The following ZDHHC13 variants were observed in gnomAD, a reference collection of about 807,000 sequenced individuals.
ZDHHC13 encodes zDHHC palmitoyltransferase 13, also known as palmitoyltransferase ZDHHC13.
Under a neutral mutation model 86.0 loss-of-function variants are expected in ZDHHC13, and 85 were observed. The observed-to-expected ratio is 0.99, with a 90% CI of 0.83 to 1.18. ZDHHC13 has a LOEUF of 1.18. Among genes scored for constraint, ZDHHC13 ranks in the 50% most tolerant of loss-of-function variants. ZDHHC13 has a pLI of 0.00. For synonymous variants in ZDHHC13, 263 were observed against 246.4 expected (o/e 1.07, Z -0.63); for missense variants, 711 against 730.2 (o/e 0.97, Z 0.30).
intron 8 of ZDHHC13, among the ~76,000 whole-genome samples, chr11:19,155,558 G>GCAA (rs1849732494): frequency 7.3e-6 from 1 of 136,450 alleles, no homozygotes; most frequent in Non-Finnish European, 1.5e-5. Context: ...TCCAGCCTGG[G>GCAA]CAACAAGAAT....
intron 1 of ZDHHC13, among the ~76,000 whole-genome samples, chr11:19,123,492 A>G (rs940619348): frequency 6.6e-6 from 1 of 152,004 alleles, no homozygotes; most frequent in African/African-American, 2.4e-5. Flanking sequence ...ACAGAAGAAT[A>G]AAAAAATCAG....
chr11:19,173,427 C>T (rs1850278631), intron 16 of ZDHHC13, among the ~76,000 whole-genome samples: 1 of 152,172 alleles, frequency 6.6e-6, no homozygotes, highest in African/African-American at 2.4e-5. Context: ...AGCTTATCTC[C>T]CTGCCACTTA....
intron 1 of ZDHHC13, among the ~76,000 whole-genome samples, chr11:19,120,059 A>G (rs916933376): frequency 3.3e-5 from 5 of 152,256 alleles, no homozygotes; most frequent in Non-Finnish European, 5.9e-5. Flanking sequence ...CAATTCTTAT[A>G]TACAATTTAG....
Position 19,150,847 on chromosome 11 carries a change from G to A in ZDHHC13, c.584+56G>A, listed in dbSNP as rs1849589904. 65 of 1,509,452 alleles carry A rather than the reference G, an allele frequency of 4.3e-5. No homozygotes were observed. The South Asian group carries it at 7.2e-4, about 17-fold the overall frequency. The allele number at this position is 1,509,452 out of a possible 1,614,324, so 93.5% of individuals were successfully genotyped here. On this transcript the variant is annotated intron_variant, in intron 6 of 16. Coordinates refer to ENST00000446113, the MANE Select transcript of ZDHHC13 (RefSeq NM_019028.3). ...TCTTGGTTCCAACTATTTCTTTTCT[G>A]TGTATGTAATTTTAAGTATCTGTGT...
At chr11:19,119,277 A>AT (rs1848710711) in intron 1 of ZDHHC13, among the ~76,000 whole-genome samples, 1 of 151,894 alleles carries the variant, frequency 6.6e-6, no homozygotes, top group African/African-American at 2.4e-5. Context: ...CACCCTGCTA[A>AT]TTTTTTGTAT....
At chr11:19,134,276 G>A (rs963313944) in intron 1 of ZDHHC13, among the ~76,000 whole-genome samples, 3 of 152,040 alleles carry the variant, frequency 2.0e-5, no homozygotes, top group Non-Finnish European at 4.4e-5. Flanking sequence ...CAAGAGGATC[G>A]CTTGAGGCCA....
intron 9 of ZDHHC13, among the ~76,000 whole-genome samples, 172 bp from the exon 10 acceptor site, chr11:19,158,768 G>A (rs1849827428): frequency 6.6e-6 from 1 of 152,096 alleles, no homozygotes; most frequent in Non-Finnish European, 1.5e-5. Context: ...GGGGGATGAT[G>A]TTGCATAACT....
intron 16 of ZDHHC13, among the ~76,000 whole-genome samples, chr11:19,173,928 A>G (rs1850290618): frequency 6.6e-6 from 1 of 152,186 alleles, no homozygotes; most frequent in Non-Finnish European, 1.5e-5. Context: ...CGTTTGCTGA[A>G]TGATGGCAGC....
At chr11:19,143,181 ATG>A in intron 2 of ZDHHC13, 58 bp downstream of exon 2, 5 of 1,533,286 alleles carry the variant, frequency 3.3e-6, no homozygotes, top group Non-Finnish European at 4.4e-6. Context: ...ATAGTAATAT[ATG>A]TGTAGTTCAT....
At chr11:19,155,733 A>C (rs1056794248) in intron 8 of ZDHHC13, 63 bp from the exon 9 acceptor site, 2 of 1,541,962 alleles carry the variant, frequency 1.3e-6, no homozygotes, top group Non-Finnish European at 1.7e-6. Flanking sequence ...CTTATATTGC[A>C]CTATTATTAG....
chr11:19,140,351 C>G (rs1333836895), intron 1 of ZDHHC13, among the ~76,000 whole-genome samples: 4 of 152,148 alleles, frequency 2.6e-5, no homozygotes, highest in Non-Finnish European at 5.9e-5. Flanking sequence ...AAATGCAAAT[C>G]AAAACCACAA....
intron 1 of ZDHHC13, among the ~76,000 whole-genome samples, chr11:19,141,815 G>T (rs1198394616): frequency 1.3e-5 from 2 of 151,758 alleles, no homozygotes; most frequent in Non-Finnish European, 2.9e-5. Flanking sequence ...TTTTTAGCTT[G>T]CCATGTGCTG....
intron 1 of ZDHHC13, among the ~76,000 whole-genome samples, chr11:19,119,095 G>A (rs1848706260): frequency 6.6e-6 from 1 of 152,158 alleles, no homozygotes; most frequent in South Asian, 2.1e-4. Flanking sequence ...CAGGTCTGCA[G>A]TTTCCTTTCT....
intron 1 of ZDHHC13, among the ~76,000 whole-genome samples, chr11:19,130,662 T>G (rs2133372065): frequency 6.6e-6 from 1 of 152,272 alleles, no homozygotes. Flanking sequence ...AGGCCCCCTT[T>G]TTTTGGTAAT....
chr11:19,166,765 T>A, intron 14 of ZDHHC13: 1 of 158,170 alleles, frequency 6.3e-6, no homozygotes, highest in Non-Finnish European at 1.4e-5. Flanking sequence ...GGGGGATAGT[T>A]GTCCAGTCAT....
At chr11:19,141,039 C>T (rs373123602) in intron 1 of ZDHHC13, among the ~76,000 whole-genome samples, 1 of 146,514 alleles carries the variant, frequency 6.8e-6, no homozygotes, top group East Asian at 2.0e-4. Flanking sequence ...ACATTGTGCA[C>T]ATGTACCCTA....
intron 7 of ZDHHC13, 31 bp from the exon 8 acceptor site, chr11:19,152,528 T>C: frequency 6.5e-7 from 1 of 1,544,740 alleles, no homozygotes; most frequent in Non-Finnish European, 8.7e-7. Flanking sequence ...TTAAAAATAC[T>C]TTTAAACTTT....
intron 1 of ZDHHC13, among the ~76,000 whole-genome samples, chr11:19,122,005 T>G (rs1368120802): frequency 6.6e-6 from 1 of 152,142 alleles, no homozygotes; most frequent in African/African-American, 2.4e-5. Flanking sequence ...TTCCCTATCT[T>G]TTGAGACTCA....
Position 19,165,080 on chromosome 11 carries a change from G to C in ZDHHC13, c.1325G>C (p.Cys442Ser). The C allele has an allele frequency of 6.2e-7, 1 of 1,612,996 alleles. No homozygotes were observed. The highest frequency in any genetic ancestry group is 8.5e-7 in the Non-Finnish European group (1 of 1,179,440). Residue 442 changes from cysteine to serine, a missense_variant, in exon 13 of 17, where the codon TGC becomes TCC. Physicochemically the swap from Cys to Ser is moderately radical, Grantham distance 112. Coordinates refer to ENST00000446113, the MANE Select transcript of ZDHHC13 (RefSeq NM_019028.3). ...LIRKPLRSLHCHVCNCCVARY... is the reference protein window; with the variant it reads ...LIRKPLRSLHSHVCNCCVARY... ...AGGAAGCCATTAAGGTCACTCCACT[G>C]CCATGTATGCAACTGCTGTGTGGCT...
Sources: allele counts gnomAD v4.1 joint callset (sites outside exome capture counted in the v4.1 genomes callset), GRCh38; gene constraint gnomAD v4.1.1; transcripts MANE v1.5; gene names NCBI Gene and HGNC (gene_info 2026-07-23, HGNC 2026-07-21).